The following LRRC40 variants were observed in gnomAD, a reference collection of about 807,000 sequenced individuals.
The protein encoded by LRRC40 is leucine rich repeat containing 40.
LRRC40 carries 76 observed loss-of-function variants against 72.8 expected under a neutral mutation model. The observed-to-expected ratio is 1.04, with a 90% CI of 0.87 to 1.26. The LOEUF is 1.26. LRRC40 is among the 50% of genes most tolerant of loss of function. The pLI, the probability that LRRC40 is intolerant of heterozygous loss-of-function variation, is 0.00. For missense variants in LRRC40, 684 were observed against 698.9 expected (o/e 0.98, Z 0.24); for synonymous variants, 243 against 254.2 (o/e 0.96, Z 0.42).
intron 1 of LRRC40, among the ~76,000 whole-genome samples, chr1:70,192,299 G>T (rs1307382276): frequency 6.6e-6 from 1 of 151,948 alleles, no homozygotes; most frequent in Non-Finnish European, 1.5e-5. Context: ...GAATGCTAGT[G>T]ATTTTTGTAC....
intron 2 of LRRC40, among the ~76,000 whole-genome samples, chr1:70,187,894 G>GAAGAGAA (rs1277318646): frequency 7.0e-6 from 1 of 143,306 alleles, no homozygotes; most frequent in African/African-American, 2.5e-5. Flanking sequence ...GAAGAGAAGA[G>GAAGAGAA]AAGTCATGAA....
intron 1 of LRRC40, among the ~76,000 whole-genome samples, chr1:70,204,145 T>C (rs1401623778): frequency 6.6e-6 from 1 of 152,212 alleles, no homozygotes; most frequent in Non-Finnish European, 1.5e-5. Flanking sequence ...AGTCAATAAG[T>C]ACATTCTAGC....
At chr1:70,204,760 C>CACACACACACACACACACACA (rs57174978) in intron 1 of LRRC40, among the ~76,000 whole-genome samples, 1 of 151,394 alleles carries the variant, frequency 6.6e-6, no homozygotes, top group African/African-American at 2.4e-5. Context: ...CACACACACA[C>CACACACACACACACACACACA]GACAATCAGA....
At chr1:70,149,656 G>C (rs570099236) in intron 13 of LRRC40, among the ~76,000 whole-genome samples, 1 of 152,262 alleles carries the variant, frequency 6.6e-6, no homozygotes, top group Middle Eastern at 3.4e-3. Context: ...AATTAGGAGA[G>C]ATGTGAGAAG....
intron 9 of LRRC40, among the ~76,000 whole-genome samples, chr1:70,163,771 A>G (rs943919455): frequency 1.3e-5 from 2 of 152,256 alleles, no homozygotes; most frequent in African/African-American, 4.8e-5. Flanking sequence ...AATTAAACTC[A>G]GAACACAGAT....
At chr1:70,198,590 A>G (rs1333065403) in intron 1 of LRRC40, among the ~76,000 whole-genome samples, 2 of 152,204 alleles carry the variant, frequency 1.3e-5, no homozygotes, top group East Asian at 1.9e-4. Context: ...TTACATGTAC[A>G]GTATTTTTCT....
chr1:70,173,770 T>C, intron 7 of LRRC40, 61 bp from the exon 8 acceptor site: 1 of 813,052 alleles, frequency 1.2e-6, no homozygotes, highest in Non-Finnish European at 1.9e-6. Flanking sequence ...CCAACCATAG[T>C]TAACTATAAA....
chr1:70,198,486 T>C (rs557856994), intron 1 of LRRC40, among the ~76,000 whole-genome samples: 28 of 152,302 alleles, frequency 1.8e-4, no homozygotes, highest in African/African-American at 6.5e-4. Flanking sequence ...TCCAACTCCA[T>C]CTTCATTTTA....
chr1:70,198,279 T>C (rs1668659879), intron 1 of LRRC40, among the ~76,000 whole-genome samples: 1 of 152,208 alleles, frequency 6.6e-6, no homozygotes, highest in African/African-American at 2.4e-5. Context: ...CAAGCTAATT[T>C]AACTGGCTTA....
intron 9 of LRRC40, among the ~76,000 whole-genome samples, chr1:70,169,782 A>T (rs1481072372): frequency 6.6e-6 from 1 of 152,028 alleles, no homozygotes. Flanking sequence ...GAAGAGTAAT[A>T]AAAAAAACCT....
At position 70,205,550 on chromosome 1, in the gene LRRC40, C is replaced by G; in HGVS notation, c.-10G>C. 1 of 1,584,166 alleles carries G rather than the reference C, an allele frequency of 6.3e-7. No individual in the cohort carries two copies. Among genetic ancestry groups the G allele is most frequent in the South Asian group, 1.1e-5 (1 of 89,204 alleles). On this transcript the variant is annotated 5_prime_UTR_variant, in exon 1 of 15. Coordinates refer to ENST00000370952, the MANE Select transcript of LRRC40 (RefSeq NM_017768.5). ...GCTTCAGGCGCGACATGTTCAAAGT[C>G]CTAGGTCCAGAAGCTGCAGCCCCAC...
chr1:70,200,771 A>C (rs1238584589), intron 1 of LRRC40, among the ~76,000 whole-genome samples: 2 of 152,220 alleles, frequency 1.3e-5, no homozygotes, highest in African/African-American at 4.8e-5. Context: ...TATCTCATAC[A>C]TTTCCCATAA....
chr1:70,173,551 T>C, intron 8 of LRRC40, 41 bp from the exon 9 acceptor site: 1 of 1,555,958 alleles, frequency 6.4e-7, no homozygotes, highest in Non-Finnish European at 8.9e-7. Flanking sequence ...AGACATGCTT[T>C]GCAGTTTTAC....
intron 2 of LRRC40, among the ~76,000 whole-genome samples, chr1:70,187,838 GGAAGA>G (rs60796937): frequency 0.13 from 16,237 of 123,670 alleles, 1,050 homozygotes; most frequent in East Asian, 0.22. Flanking sequence ...CTCAAAAAAT[GGAAGA>G]GAAGAGAAGA....
chr1:70,200,545 T>C (rs1342765771), intron 1 of LRRC40, among the ~76,000 whole-genome samples: 2 of 152,178 alleles, frequency 1.3e-5, no homozygotes, highest in Non-Finnish European at 2.9e-5. Context: ...AATTAAAGTA[T>C]AACATGAAAA....
chr1:70,180,370 A>G (rs6664084), intron 5 of LRRC40: 28,403 of 152,154 alleles, frequency 0.19, 2,947 homozygotes, highest in East Asian at 0.41. Flanking sequence ...AGAACTCCCT[A>G]GGCTCAAGCG....
At chr1:70,197,389 T>C (rs1668638360) in intron 1 of LRRC40, among the ~76,000 whole-genome samples, 2 of 152,164 alleles carry the variant, frequency 1.3e-5, no homozygotes, top group Admixed American at 6.5e-5. Flanking sequence ...GAGATCCTCC[T>C]GCCTCCGTCT....
chr1:70,205,491 T>C lies in LRRC40; in HGVS notation c.50A>G (p.Lys17Arg). The change falls in exon 1 of 15, where the codon AAA (lysine) becomes AGA (arginine). Residue 17 changes from lysine (K) to arginine (R), a missense_variant. Transcript: ENST00000370952. The part of the protein sequence containing the change: ...IAGQDLRAGF[K>R]AGGRDCGTSV... ...GGTACCGCAGTCTCTTCCACCTGCT[T>C]TGAAACCAGCGCGGAGATCCTGCCC... is the stretch of plus-strand genomic sequence containing the variant. 6.2e-7 allele frequency: 1 copy of C among 1,607,146 alleles called. No homozygotes were observed. Among genetic ancestry groups the C allele is most frequent in the Non-Finnish European group, 8.5e-7 (1 of 1,174,378 alleles).
chr1:70,205,263 T>C (rs759189394), intron 1 of LRRC40, 127 bp downstream of exon 1: 115 of 894,364 alleles, frequency 1.3e-4, no homozygotes, highest in Non-Finnish European at 1.9e-4. Flanking sequence ...GGGATTAGAT[T>C]AGAGCACAGA....
Sources: allele counts gnomAD v4.1 joint callset (sites outside exome capture counted in the v4.1 genomes callset), GRCh38; gene constraint gnomAD v4.1.1; transcripts MANE v1.5; gene names NCBI Gene and HGNC (gene_info 2026-07-23, HGNC 2026-07-21).